LMBR1: variants seen among roughly 807,000 people sequenced by gnomAD.
LMBR1 encodes limb region 1 protein homolog.
A neutral mutation model predicts 73.9 loss-of-function variants in LMBR1; 52 were observed. That is an observed-to-expected ratio of 0.70 (90% CI 0.56 to 0.89). The LOEUF (loss-of-function observed/expected upper bound fraction) is 0.89. Among genes scored for constraint, LMBR1 ranks in the 40% least tolerant of loss-of-function variants. LMBR1 has a pLI of 0.00. For missense variants in LMBR1, 539 were observed against 579.8 expected (o/e 0.93, Z 0.72); for synonymous variants, 215 against 209.4 (o/e 1.03, Z -0.23).
At chr7:156,727,823 T>A in intron 12 of LMBR1, 107 bp downstream of exon 12, 1 of 606,092 alleles carries the variant, frequency 1.6e-6, no homozygotes, top group Non-Finnish European at 2.8e-6. Context: ...ACTTGAAGTA[T>A]ATACATGCAC....
At chr7:156,827,884 C>T (rs1400521849) in intron 3 of LMBR1, among the ~76,000 whole-genome samples, 4 of 152,092 alleles carry the variant, frequency 2.6e-5, no homozygotes, top group Admixed American at 2.6e-4. Flanking sequence ...AAATACAGAC[C>T]ATATGATACT....
At chr7:156,700,086 A>T in intron 15 of LMBR1, among the ~76,000 whole-genome samples, 1 of 152,232 alleles carries the variant, frequency 6.6e-6, no homozygotes, top group East Asian at 1.9e-4. Flanking sequence ...ATAAAGACAC[A>T]TGCACACGTA....
At chr7:156,831,370 ATTTG>A (rs1437528810) in intron 3 of LMBR1, among the ~76,000 whole-genome samples, 5 of 149,476 alleles carry the variant, frequency 3.3e-5, no homozygotes. Flanking sequence ...GAAAGTGAAT[ATTTG>A]TTTCTCCATC....
intron 4 of LMBR1, among the ~76,000 whole-genome samples, chr7:156,824,848 A>T (rs773925062): frequency 0.012 from 1,607 of 133,182 alleles, 13 homozygotes; most frequent in Non-Finnish European, 0.019. Context: ...CTGTCTCAAT[A>T]AAAAAAAAAA....
intron 15 of LMBR1, among the ~76,000 whole-genome samples, chr7:156,719,537 T>C (rs540415163): frequency 6.6e-6 from 1 of 152,272 alleles, no homozygotes; most frequent in African/African-American, 2.4e-5. Flanking sequence ...CCCCAGGTAA[T>C]TTATAGATTC....
chr7:156,889,597 G>A (rs951082575), intron 1 of LMBR1, among the ~76,000 whole-genome samples: 1 of 152,152 alleles, frequency 6.6e-6, no homozygotes, highest in Non-Finnish European at 1.5e-5. Context: ...CCAGCCAGGG[G>A]TACTGGGTTG....
chr7:156,753,978 C>G (rs1465548953), intron 9 of LMBR1, among the ~76,000 whole-genome samples: 4 of 152,120 alleles, frequency 2.6e-5, no homozygotes, highest in Non-Finnish European at 4.4e-5. Context: ...TTCTCTTCTT[C>G]TTCAGGCAAC....
At chr7:156,728,856 A>G (rs1816293018) in intron 10 of LMBR1, 136 bp from the exon 11 acceptor site, 11 of 662,210 alleles carry the variant, frequency 1.7e-5, no homozygotes, top group Non-Finnish European at 2.5e-5. Flanking sequence ...CATAAACTAA[A>G]AAAACTACAG....
chr7:156,687,774 G>A (rs561383970), intron 16 of LMBR1, among the ~76,000 whole-genome samples: 6 of 152,228 alleles, frequency 3.9e-5, no homozygotes, highest in South Asian at 2.1e-4. Flanking sequence ...TGTGCCAGGC[G>A]CTATGCTAAG....
At chr7:156,687,024 TA>T (rs897310993) in intron 16 of LMBR1, among the ~76,000 whole-genome samples, 1 of 152,194 alleles carries the variant, frequency 6.6e-6, no homozygotes, top group African/African-American at 2.4e-5. Context: ...ATATTCAAAG[TA>T]AAATACATAT....
At chr7:156,803,114 C>T (rs1831311305) in intron 4 of LMBR1, among the ~76,000 whole-genome samples, 1 of 152,100 alleles carries the variant, frequency 6.6e-6, no homozygotes, top group South Asian at 2.1e-4. Flanking sequence ...GTCTAAAACA[C>T]CAAAAGCAAT....
intron 16 of LMBR1, among the ~76,000 whole-genome samples, chr7:156,686,354 G>A (rs1455912065): frequency 6.6e-6 from 1 of 151,788 alleles, no homozygotes; most frequent in Admixed American, 6.6e-5. Context: ...TTATCAATGG[G>A]CAGAGTAGCA....
chr7:156,881,417 C>A (rs10263068), intron 1 of LMBR1, among the ~76,000 whole-genome samples: 11,587 of 152,218 alleles, frequency 0.076, 497 homozygotes, highest in East Asian at 0.14. Context: ...CTTCACAACA[C>A]CGGCCTTGGC....
chr7:156,827,804 G>GT (rs1200500493), intron 3 of LMBR1, among the ~76,000 whole-genome samples: 1 of 152,156 alleles, frequency 6.6e-6, no homozygotes, highest in Non-Finnish European at 1.5e-5. Flanking sequence ...CAACAGAAGT[G>GT]TATTCCTACT....
At chr7:156,868,042 A>G (rs898953720) in intron 1 of LMBR1, among the ~76,000 whole-genome samples, 6 of 152,198 alleles carry the variant, frequency 3.9e-5, no homozygotes, top group Admixed American at 1.3e-4. Context: ...TTTTTTTAAT[A>G]AAAATAAAAG....
intron 1 of LMBR1, among the ~76,000 whole-genome samples, 172 bp downstream of exon 1, chr7:156,892,756 A>AGGGGAGAGGAGAGGTGGGG (rs1803346173): frequency 2.4e-5 from 2 of 83,634 alleles, no homozygotes; most frequent in Admixed American, 2.6e-4. Context: ...GTGGGGAGGG[A>AGGGGAGAGGAGAGGTGGGG]AGGGGAGGGG....
At chr7:156,810,382 C>T (rs1222866627) in intron 4 of LMBR1, among the ~76,000 whole-genome samples, 2 of 152,098 alleles carry the variant, frequency 1.3e-5, no homozygotes, top group East Asian at 3.9e-4. Flanking sequence ...ACCTCCAACA[C>T]TAGGAATCAA....
rs1802312423 is a variant in LMBR1, at chr7:156,670,770, G to A, written n.867-1483C>T. ...ACCAAATGAAAGTTACATTCAAGAC[G>A]AGAGGCAAAAGAAAAGCCAGACAAA... On this transcript the variant is annotated intron_variant and non_coding_transcript_variant, in intron 4 of 4. Coordinates refer to the LMBR1 transcript ENST00000430825. The surrounding 1 kb of genome is among the most constrained non-coding windows in gnomAD (Gnocchi z 4.3). 1.3e-5 allele frequency among the ~76,000 whole-genome samples: 2 copies of A among 152,202 alleles called. No individual in the cohort carries two copies. The highest frequency in any genetic ancestry group is 2.9e-5 in the Non-Finnish European group (2 of 68,046).
Position 156,681,096 on chromosome 7 carries a change from A to G in LMBR1, c.*2982T>C. ...ATCTATGTTCACATTAAAAAAAAAA[A>G]CTTGTAAGAATTCTGCCTTTATGCA... On this transcript the variant is annotated 3_prime_UTR_variant, in exon 17 of 17. Transcript: ENST00000353442. The G allele has an allele frequency of 2.4e-6, 1 of 418,510 alleles. No individual in the cohort carries two copies. Among genetic ancestry groups the G allele is most frequent in the South Asian group, 1.8e-5 (1 of 55,718 alleles). The allele number at this position is 418,510 out of a possible 1,614,324, so 25.9% of individuals were successfully genotyped here.
Sources: allele counts gnomAD v4.1 joint callset (sites outside exome capture counted in the v4.1 genomes callset), GRCh38; gene constraint gnomAD v4.1.1; non-coding constraint Gnocchi (gnomAD v3.1); transcripts MANE v1.5; gene names NCBI Gene and HGNC (gene_info 2026-07-23, HGNC 2026-07-21).